DYM: variants seen among roughly 807,000 people sequenced by gnomAD.
DYM encodes the protein dymeclin.
In DYM, 78 loss-of-function variants were observed where a neutral mutation model predicts 93.1. That is an observed-to-expected ratio of 0.84 (90% CI 0.70 to 1.01). The LOEUF (loss-of-function observed/expected upper bound fraction) is 1.01. Among genes scored for constraint, DYM ranks in the 50% least tolerant of loss-of-function variants. DYM has a pLI of 0.00. For synonymous variants in DYM, 321 were observed against 319.7 expected, an observed-to-expected ratio of 1.00 and a Z score of -0.04; for missense variants, 789 against 845.0, an observed-to-expected ratio of 0.93 and a Z score of 0.82.
intron 16 of DYM, among the ~76,000 whole-genome samples, chr18:49,109,212 A>G (rs2081168492): frequency 6.8e-6 from 1 of 147,426 alleles, no homozygotes; most frequent in Non-Finnish European, 1.5e-5. Context: ...ATTTGATTTA[A>G]TTATTGGCAT....
intron 17 of DYM, among the ~76,000 whole-genome samples, chr18:49,051,527 G>A (rs181655067): frequency 6.6e-6 from 1 of 152,348 alleles, no homozygotes; most frequent in East Asian, 1.9e-4. Context: ...TTCACTTGAA[G>A]AAAGGGTTGA....
rs181102797 is a variant in DYM, at chr18:49,419,698, T to G, written c.140+10557A>C. Among the ~76,000 whole-genome samples, 535 of 152,346 alleles carry G rather than the reference T, an allele frequency of 3.5e-3. 3 individuals are homozygous for G. The highest frequency in any genetic ancestry group is 6.2e-3 in the Non-Finnish European group (420 of 68,036). On this transcript the variant is annotated intron_variant, in intron 2 of 17. Transcript: ENST00000675505. ...AGGCTTTCAGAATTTTAATTCAAAT[T>G]GTCTTCAATCTATAGGTCAATTTGA... is the stretch of plus-strand genomic sequence containing the variant.
intron 13 of DYM, among the ~76,000 whole-genome samples, chr18:49,233,039 G>A (rs1427554305): frequency 1.3e-5 from 2 of 152,140 alleles, no homozygotes; most frequent in Non-Finnish European, 2.9e-5. Context: ...CTGTGGGGGT[G>A]TCTAGCAGAG....
intron 13 of DYM, among the ~76,000 whole-genome samples, chr18:49,249,491 A>G (rs1857524929): frequency 6.6e-6 from 1 of 152,202 alleles, no homozygotes; most frequent in African/African-American, 2.4e-5. Flanking sequence ...CAGTGGGAAC[A>G]GAAGTGAGGA....
intron 17 of DYM, among the ~76,000 whole-genome samples, chr18:49,050,413 T>C (rs1468979882): frequency 2.0e-5 from 3 of 152,064 alleles, no homozygotes; most frequent in Non-Finnish European, 4.4e-5. Context: ...TTCTACAGTG[T>C]ATGTGACATT....
In DYM at chr18:49,171,187, T is replaced by G. The variant is rs563971320; in HGVS notation, c.1626-7400A>C. 2.0e-5 allele frequency among the ~76,000 whole-genome samples: 3 copies of G among 151,778 alleles called. No homozygotes were observed. In the East Asian group the frequency reaches 5.8e-4, roughly 29 times the overall value. On this transcript the variant is annotated intron_variant, in intron 14 of 17. Coordinates refer to ENST00000675505, the MANE Select transcript of DYM (RefSeq NM_001353214.3). Reference sequence around the variant, plus strand: ...AAAATAGGTGTAGATTTTTAAGAAGTTGAACATTGCTGGGGAGCAGAGTGC... The same window carrying G: ...AAAATAGGTGTAGATTTTTAAGAAGGTGAACATTGCTGGGGAGCAGAGTGC...
chr18:49,324,065 G>A (rs2062706010), intron 8 of DYM, among the ~76,000 whole-genome samples: 1 of 146,286 alleles, frequency 6.8e-6, no homozygotes, highest in African/African-American at 2.5e-5. Context: ...AGCCTGGGAG[G>A]CGGAGGTTGC....
At chr18:49,101,199 C>T (rs531810823) in intron 16 of DYM, among the ~76,000 whole-genome samples, 8 of 152,272 alleles carry the variant, frequency 5.3e-5, no homozygotes, top group African/African-American at 1.9e-4. Context: ...TGAGACACAG[C>T]CAATAACAGA....
intron 17 of DYM, among the ~76,000 whole-genome samples, chr18:49,095,791 C>T (rs779846493): frequency 5.9e-5 from 9 of 152,144 alleles, no homozygotes; most frequent in Non-Finnish European, 8.8e-5. Flanking sequence ...CAAATATTAA[C>T]ATTCCAGCAC....
chr18:49,155,906 T>C (rs995572286), intron 15 of DYM, among the ~76,000 whole-genome samples: 24 of 152,256 alleles, frequency 1.6e-4, no homozygotes, highest in African/African-American at 5.8e-4. Context: ...ATGTTTTCAA[T>C]TCATTTGTAT....
At chr18:49,276,718 A>C (rs2094854790) in intron 10 of DYM, among the ~76,000 whole-genome samples, 1 of 152,184 alleles carries the variant, frequency 6.6e-6, no homozygotes, top group African/African-American at 2.4e-5. Context: ...TAGCCACGTT[A>C]AGAGTAAGAG....
intron 13 of DYM, among the ~76,000 whole-genome samples, chr18:49,215,180 T>C (rs186274940): frequency 1.3e-5 from 2 of 152,354 alleles, no homozygotes; most frequent in East Asian, 3.9e-4. Flanking sequence ...ACTTATTTCC[T>C]TACACTACAG....
intron 13 of DYM, among the ~76,000 whole-genome samples, chr18:49,247,027 T>C (rs1449766710): frequency 6.6e-6 from 1 of 152,198 alleles, no homozygotes; most frequent in Non-Finnish European, 1.5e-5. Flanking sequence ...CGTGGATGCT[T>C]GTAGAGTGAA....
intron 13 of DYM, among the ~76,000 whole-genome samples, chr18:49,253,056 C>T (rs2094323018): frequency 6.6e-6 from 1 of 152,172 alleles, no homozygotes; most frequent in African/African-American, 2.4e-5. Context: ...TCATTCCTTA[C>T]ATTTATGTCC....
In DYM at chr18:49,069,657, A is replaced by G. The variant is rs191671541; in HGVS notation, c.2026-25453T>C. ...TCAGAACAAGTGGCCCTTGATTTTC[A>G]TAACTGTTAGTGTACTAACCTGTAG... is the stretch of plus-strand genomic sequence containing the variant. On this transcript the variant is annotated intron_variant, in intron 17 of 17. Coordinates refer to ENST00000675505, the MANE Select transcript of DYM (RefSeq NM_001353214.3). Among the ~76,000 whole-genome samples the G allele has an allele frequency of 2.6e-5, 4 of 152,308 alleles. No homozygotes were observed. In the East Asian group the frequency reaches 7.7e-4, roughly 29 times the overall value.
chr18:49,045,842 T>G (rs1411769609), intron 17 of DYM, among the ~76,000 whole-genome samples: 1 of 151,938 alleles, frequency 6.6e-6, no homozygotes, highest in African/African-American at 2.4e-5. Flanking sequence ...GAGGCCAGAC[T>G]GGGGAGCTGC....
At chr18:49,165,263 T>C (rs1038244454) in intron 14 of DYM, among the ~76,000 whole-genome samples, 3 of 152,064 alleles carry the variant, frequency 2.0e-5, no homozygotes, top group Non-Finnish European at 2.9e-5. Context: ...TAAAAGAACT[T>C]CAGAGGTATG....
chr18:49,333,947 A>C, intron 6 of DYM, 94 bp from the exon 7 acceptor site: 1 of 1,324,430 alleles, frequency 7.6e-7, no homozygotes, highest in Non-Finnish European at 1.1e-6. Flanking sequence ...CTCAAATCTA[A>C]ATATTCAGTA....
chr18:49,052,457 A>G (rs978110891), intron 17 of DYM, among the ~76,000 whole-genome samples: 5 of 152,264 alleles, frequency 3.3e-5, no homozygotes, highest in Non-Finnish European at 7.3e-5. Flanking sequence ...CACTGGGGAC[A>G]CATTTTGTCA....
Sources: allele counts gnomAD v4.1 joint callset (sites outside exome capture counted in the v4.1 genomes callset), GRCh38; gene constraint gnomAD v4.1.1; transcripts MANE v1.5; gene names NCBI Gene and HGNC (gene_info 2026-07-23, HGNC 2026-07-21).